Variants in TMEM164 observed in about 807,000 individuals in gnomAD.
TMEM164 encodes the protein RP13-360B22.2.
TMEM164 carries 4 observed loss-of-function variants against 18.8 expected under a neutral mutation model. The ratio of observed to expected loss-of-function variants is 0.21; its 90% confidence interval spans 0.10 to 0.49. TMEM164 has a LOEUF of 0.49. Ranked by LOEUF, TMEM164 falls within the 20% of genes least tolerant of loss-of-function variation. The pLI is 0.98. For missense variants in TMEM164, 108 were observed against 239.9 expected, an observed-to-expected ratio of 0.45 and a Z score of 3.63; for synonymous variants, 86 against 101.7, an observed-to-expected ratio of 0.85 and a Z score of 0.93.
At chrX:110,172,626 C>T (rs1569361970) in intron 6 of TMEM164, among the ~76,000 whole-genome samples, 1 of 111,673 alleles carries the variant, frequency 9.0e-6, no homozygotes, top group Non-Finnish European at 1.9e-5. Context: ...TCAGTGTGCT[C>T]ATGTCACCCT....
chrX:110,053,696 G>A (rs1935679933), intron 2 of TMEM164, among the ~76,000 whole-genome samples: 1 of 111,309 alleles, frequency 9.0e-6, no homozygotes. Flanking sequence ...GTTGGCCTAG[G>A]CTCTGTTACT....
intron 3 of TMEM164, among the ~76,000 whole-genome samples, chrX:110,068,149 A>G (rs1221613504): frequency 8.9e-6 from 1 of 112,930 alleles, no homozygotes; most frequent in Non-Finnish European, 1.9e-5. Context: ...GGAACAGGAA[A>G]TAAAGAGCCC....
Position 110,176,358 on chromosome X carries a change from C to T in TMEM164, c.*2907C>T, listed in dbSNP as rs2067289581. ...AAAGATGATCTGGCCCATCTTCCTC[C>T]CAGAGGCACAACAGTAACATGTTCC... is the stretch of plus-strand genomic sequence containing the variant. On this transcript the variant is annotated 3_prime_UTR_variant, in exon 7 of 7. Transcript: ENST00000372068. The T allele has an allele frequency of 2.6e-6, 2 of 756,466 alleles. No individual in the cohort carries two copies. The highest frequency in any genetic ancestry group is 3.1e-6 in the Non-Finnish European group (2 of 639,588). 62.3% of individuals were successfully genotyped at this position (756,466 alleles called of 1,213,427 possible).
intron 2 of TMEM164, among the ~76,000 whole-genome samples, chrX:110,044,634 A>G (rs1306456586): frequency 1.4e-5 from 1 of 73,618 alleles, no homozygotes; most frequent in African/African-American, 5.5e-5. Context: ...CTTTTTTTCT[A>G]CAGATGGGGT....
At chrX:110,160,988 G>A (rs1210976817) in intron 5 of TMEM164, among the ~76,000 whole-genome samples, 2 of 112,335 alleles carry the variant, frequency 1.8e-5, no homozygotes, top group East Asian at 5.6e-4. Context: ...GATTACAGGC[G>A]TGAGCCACCG....
intron 2 of TMEM164, among the ~76,000 whole-genome samples, chrX:110,056,002 G>GT (rs774505831): frequency 7.3e-4 from 81 of 111,535 alleles, no homozygotes; most frequent in African/African-American, 2.5e-3. Flanking sequence ...TCCAAAGTTT[G>GT]TTTTTTAAAC....
chrX:110,060,965 T>C (rs1017105996), intron 2 of TMEM164, among the ~76,000 whole-genome samples: 3 of 112,333 alleles, frequency 2.7e-5, no homozygotes, highest in Non-Finnish European at 5.6e-5. Flanking sequence ...TATGAAATAA[T>C]ACTATTGTAA....
downstream of TMEM164, among the ~76,000 whole-genome samples, chrX:110,178,524 C>A (rs1197763956): frequency 8.9e-6 from 1 of 112,331 alleles, no homozygotes; most frequent in Non-Finnish European, 1.9e-5. Flanking sequence ...AGGCCATTGC[C>A]ATCCCTACCC....
Position 110,050,709 on chromosome X carries a change from A to G in TMEM164, c.391-16638A>G, listed in dbSNP as rs578108128. ...TGTTTCATTGTCATCCTGCTTTGCAATTGGGTCAGGTACATATGTGGGGAG... is the reference window on the plus strand; with the variant it reads ...TGTTTCATTGTCATCCTGCTTTGCAGTTGGGTCAGGTACATATGTGGGGAG... On this transcript the variant is annotated intron_variant, in intron 2 of 6. Coordinates refer to ENST00000372068, the MANE Select transcript of TMEM164 (RefSeq NM_032227.4). Among the ~76,000 whole-genome samples the G allele has an allele frequency of 3.7e-3, 413 of 112,126 alleles. 1 individual carries two copies. Among genetic ancestry groups the G allele is most frequent in the Non-Finnish European group, 6.8e-3 (361 of 53,219 alleles).
intron 3 of TMEM164, among the ~76,000 whole-genome samples, chrX:110,082,791 C>A (rs745644911): frequency 9.0e-4 from 99 of 110,515 alleles, no homozygotes; most frequent in Non-Finnish European, 1.6e-3. Flanking sequence ...CCTTTTGTGT[C>A]AGTTTTTTTT....
At chrX:110,106,167 A>C (rs1427044719) in intron 3 of TMEM164, among the ~76,000 whole-genome samples, 2 of 111,262 alleles carry the variant, frequency 1.8e-5, no homozygotes, top group Admixed American at 9.6e-5. Flanking sequence ...AATTTTGAGA[A>C]CCCAGAGCAA....
intron 3 of TMEM164, among the ~76,000 whole-genome samples, chrX:110,106,121 T>C (rs2066197535): frequency 8.9e-6 from 1 of 112,247 alleles, no homozygotes; most frequent in African/African-American, 3.2e-5. Flanking sequence ...TTAAAGATAA[T>C]TCACCCTCTA....
chrX:110,007,560 T>C (rs765859411), intron 2 of TMEM164, among the ~76,000 whole-genome samples: 111 of 112,390 alleles, frequency 9.9e-4, no homozygotes, highest in Non-Finnish European at 1.9e-3. Context: ...CTGTACTGTT[T>C]ACCAAAAATC....
At chrX:110,023,330 T>A (rs1244106538) in intron 2 of TMEM164, among the ~76,000 whole-genome samples, 2 of 111,153 alleles carry the variant, frequency 1.8e-5, no homozygotes, top group Non-Finnish European at 3.8e-5. Context: ...CCTCATTTTT[T>A]TTTTTCCTTT....
chrX:110,100,700 T>C (rs983090238), intron 3 of TMEM164, among the ~76,000 whole-genome samples: 4 of 110,216 alleles, frequency 3.6e-5, no homozygotes, highest in African/African-American at 1.3e-4. Flanking sequence ...GCCTCCGGAG[T>C]AGCTGGGACT....
chrX:110,152,676 TG>T (rs1476337870), intron 5 of TMEM164, among the ~76,000 whole-genome samples: 2 of 110,900 alleles, frequency 1.8e-5, no homozygotes, highest in Non-Finnish European at 3.8e-5. Context: ...GAGAAATCAC[TG>T]GGTCCTCCTG....
At chrX:110,005,426 G>A (rs1932640328) in intron 2 of TMEM164, among the ~76,000 whole-genome samples, 1 of 112,040 alleles carries the variant, frequency 8.9e-6, no homozygotes, top group Non-Finnish European at 1.9e-5. Flanking sequence ...GACTCAGGCA[G>A]ATGAGCACCA....
At chrX:110,165,653 T>C (rs2067149841) in intron 5 of TMEM164, among the ~76,000 whole-genome samples, 1 of 112,140 alleles carries the variant, frequency 8.9e-6, no homozygotes. Context: ...CATCTCCCTC[T>C]CCTGAGCACT....
At chrX:110,066,206 G>A (rs1459459595) in intron 2 of TMEM164, among the ~76,000 whole-genome samples, 3 of 110,864 alleles carry the variant, frequency 2.7e-5, no homozygotes, top group East Asian at 2.8e-4. Flanking sequence ...TATGGACTCC[G>A]AGAGAACAGA....
Sources: gnomAD v4.1 joint callset for allele counts (sites outside exome capture counted in the v4.1 genomes callset) on GRCh38, gnomAD v4.1.1 for gene constraint, MANE v1.5 for transcripts, NCBI Gene and HGNC (gene_info 2026-07-23, HGNC 2026-07-21) for gene names.